The following HNF4G variants were observed in gnomAD, a reference collection of about 807,000 sequenced individuals.
The protein encoded by HNF4G is hepatocyte nuclear factor 4-gamma.
Under a neutral mutation model 50.9 loss-of-function variants are expected in HNF4G, and 21 were observed. That is an observed-to-expected ratio of 0.41 (90% confidence interval 0.29 to 0.59). The LOEUF is 0.59. Among genes scored for constraint, HNF4G ranks in the 20% least tolerant of loss-of-function variants. The probability of loss-of-function intolerance (pLI) is 0.26; values close to 1 mark genes in which losing one functional copy is unlikely to be tolerated. For synonymous variants in HNF4G, 198 were observed against 185.6 expected, an observed-to-expected ratio of 1.07 and a Z score of -0.54; for missense variants, 527 against 559.4, an observed-to-expected ratio of 0.94 and a Z score of 0.58.
At chr8:75,493,202 T>C (rs1346405781) in intron 2 of HNF4G, among the ~76,000 whole-genome samples, 1 of 152,124 alleles carries the variant, frequency 6.6e-6, no homozygotes, top group Non-Finnish European at 1.5e-5. Flanking sequence ...ACCAAATTTG[T>C]GTTAAACAAT....
chr8:75,439,444 T>C (rs1027859056), intron 1 of HNF4G, among the ~76,000 whole-genome samples: 4 of 152,060 alleles, frequency 2.6e-5, no homozygotes, highest in Non-Finnish European at 4.4e-5. Flanking sequence ...AAGATCTTCA[T>C]TGATAATATT....
intron 2 of HNF4G, among the ~76,000 whole-genome samples, chr8:75,508,498 A>T (rs537663744): frequency 1.3e-5 from 2 of 152,308 alleles, no homozygotes; most frequent in South Asian, 4.1e-4. Flanking sequence ...AAATCTCTTA[A>T]AAAAGAACTT....
intron 1 of HNF4G, among the ~76,000 whole-genome samples, chr8:75,474,798 C>A (rs1040710629): frequency 1.1e-4 from 16 of 151,572 alleles, no homozygotes; most frequent in African/African-American, 3.9e-4. Flanking sequence ...CCCAGATTCA[C>A]GCCATTCTCC....
chr8:75,479,039 A>G (rs185704465), intron 1 of HNF4G, among the ~76,000 whole-genome samples: 2 of 152,336 alleles, frequency 1.3e-5, no homozygotes, highest in Admixed American at 1.3e-4. Flanking sequence ...ATAATTTTAA[A>G]GGGATATGAA....
chr8:75,562,695 T>TA (rs1807348859), intron 9 of HNF4G, among the ~76,000 whole-genome samples: 2 of 152,220 alleles, frequency 1.3e-5, no homozygotes, highest in East Asian at 3.8e-4. Context: ...CCTAGTCTTT[T>TA]AAAAATCACA....
intron 5 of HNF4G, 99 bp downstream of exon 5, chr8:75,553,296 C>A: frequency 2.2e-6 from 2 of 929,298 alleles, no homozygotes; most frequent in Non-Finnish European, 3.2e-6. Context: ...TTCTATATTA[C>A]TGTATTTGGC....
chr8:75,544,814 G>T (rs1474521880), intron 2 of HNF4G, among the ~76,000 whole-genome samples: 1 of 151,894 alleles, frequency 6.6e-6, no homozygotes, highest in Admixed American at 6.6e-5. Flanking sequence ...TAACTATGTT[G>T]GTTCTGTCAA....
chr8:75,496,347 GAATATATCTTAATAT>G (rs1812764371), intron 2 of HNF4G, among the ~76,000 whole-genome samples: 1 of 151,978 alleles, frequency 6.6e-6, no homozygotes, highest in Non-Finnish European at 1.5e-5. Flanking sequence ...GCAGCTTCCT[GAATATATCTTAATAT>G]AATATATTTT....
At chr8:75,515,179 T>C (rs1313742313) in intron 2 of HNF4G, among the ~76,000 whole-genome samples, 1 of 152,220 alleles carries the variant, frequency 6.6e-6, no homozygotes, top group Non-Finnish European at 1.5e-5. Context: ...ATTGATATTC[T>C]CAACTGTACA....
chr8:75,443,072 A>G (rs1284949530), intron 1 of HNF4G, among the ~76,000 whole-genome samples: 2 of 152,156 alleles, frequency 1.3e-5, no homozygotes, highest in Non-Finnish European at 2.9e-5. Context: ...TCTGCCTTCG[A>G]GAATGGGATT....
intron 2 of HNF4G, among the ~76,000 whole-genome samples, chr8:75,526,105 A>AATTT (rs34542534): frequency 0.34 from 48,265 of 143,566 alleles, 8,566 homozygotes; most frequent in African/African-American, 0.4. Context: ...TACTTGCTCA[A>AATTT]ATTTATTTAT....
intron 1 of HNF4G, among the ~76,000 whole-genome samples, chr8:75,460,265 T>C (rs1178412550): frequency 6.6e-6 from 1 of 152,134 alleles, no homozygotes; most frequent in Non-Finnish European, 1.5e-5. Context: ...TTCAGGTTGA[T>C]TTATGTGGGG....
chr8:75,417,099 G>C (rs1201149930), intron 1 of HNF4G, among the ~76,000 whole-genome samples: 1 of 142,164 alleles, frequency 7.0e-6, no homozygotes, highest in Non-Finnish European at 1.5e-5. Context: ...ATACGAGCAT[G>C]TGCATGGTCG....
Position 75,528,999 on chromosome 8 carries a change from G to A in HNF4G, c.-23-14812G>A, listed in dbSNP as rs567797917. Among the ~76,000 whole-genome samples the A allele has an allele frequency of 8.9e-4, 136 of 152,054 alleles. 1 individual carries two copies. Among genetic ancestry groups the A allele is most frequent in the Non-Finnish European group, 1.5e-3 (100 of 67,924 alleles). ...GGAAACTGCCACTTTAAAAACCTCA[G>A]ATCTCTGCCGGGCGCGGTGGCTAAC... On this transcript the variant is annotated intron_variant, in intron 2 of 10. Transcript: ENST00000354370.
chr8:75,559,873 G>C (rs1036841295), intron 8 of HNF4G, among the ~76,000 whole-genome samples: 4 of 152,070 alleles, frequency 2.6e-5, no homozygotes, highest in African/African-American at 9.7e-5. Context: ...ATACATGTCA[G>C]GAATAAGTTA....
At chr8:75,414,720 T>C (rs1324180643) in intron 1 of HNF4G, among the ~76,000 whole-genome samples, 1 of 152,258 alleles carries the variant, frequency 6.6e-6, no homozygotes, top group Non-Finnish European at 1.5e-5. Flanking sequence ...CATGTATCAA[T>C]AGTTGTTTTT....
At position 75,558,855 on chromosome 8, in the gene HNF4G, A is replaced by G. The variant is rs1807213615; in HGVS notation, c.941A>G (p.Gln314Arg). Residue 314 changes from glutamine (Q) to arginine (R), a missense_variant, in exon 8 of 10, where the codon CAG (glutamine) becomes CGG (arginine). Physicochemically the swap from Gln to Arg is conservative, Grantham distance 43 (BLOSUM62 1). Transcript: ENST00000396423. ...VKIKNMRFQVQIGLEDYINDR... is the reference protein window; with the variant it reads ...VKIKNMRFQVRIGLEDYINDR... ...ATTAAGAACATGAGGTTCCAAGTGCAGATCGGTTTGGAGGACTACATCAAT... is the reference window on the plus strand; with the variant it reads ...ATTAAGAACATGAGGTTCCAAGTGCGGATCGGTTTGGAGGACTACATCAAT... The G allele has an allele frequency of 6.2e-7, 1 of 1,614,130 alleles. No homozygotes were observed. The highest frequency in any genetic ancestry group is 8.5e-7 in the Non-Finnish European group (1 of 1,180,004).
intron 9 of HNF4G, among the ~76,000 whole-genome samples, chr8:75,562,034 A>G (rs950045389): frequency 6.6e-6 from 1 of 152,148 alleles, no homozygotes; most frequent in Non-Finnish European, 1.5e-5. Flanking sequence ...CACCAAACCT[A>G]CTACTAACTC....
chr8:75,476,039 T>C (rs1411335113), intron 1 of HNF4G, among the ~76,000 whole-genome samples: 1 of 152,190 alleles, frequency 6.6e-6, no homozygotes, highest in Admixed American at 6.5e-5. Context: ...AGTGTACCCA[T>C]CATTCAAATA....
Sources: allele counts gnomAD v4.1 joint callset (sites outside exome capture counted in the v4.1 genomes callset), GRCh38; gene constraint gnomAD v4.1.1; transcripts MANE v1.5; gene names NCBI Gene and HGNC (gene_info 2026-07-23, HGNC 2026-07-21).